The following MUC12 variants were observed in gnomAD, a reference collection of about 807,000 sequenced individuals.
MUC12 encodes the protein mucin 12, cell surface associated.
A neutral mutation model predicts 230.8 loss-of-function variants in MUC12; 172 were observed. The observed-to-expected ratio is 0.75, with a 90% CI of 0.66 to 0.85. The LOEUF is 0.85. Ranked by LOEUF, MUC12 falls within the 40% of genes least tolerant of loss-of-function variation. The probability of loss-of-function intolerance (pLI) is 0.00; values close to 1 mark genes in which losing one functional copy is unlikely to be tolerated. For missense variants in MUC12, 3,506 were observed against 5,920.6 expected, an observed-to-expected ratio of 0.59 and a Z score of 13.38; for synonymous variants, 1,259 against 2,401.9, an observed-to-expected ratio of 0.52 and a Z score of 13.91.
chr7:100,995,859 G>T lies in MUC12; in HGVS notation c.5296G>T (p.Val1766Phe), dbSNP rs1200662100. The T allele has an allele frequency of 2.0e-5, 29 of 1,443,662 alleles. No individual in the cohort carries two copies. The highest frequency in any genetic ancestry group is 4.2e-5 in the Admixed American group (2 of 47,786). The allele number at this position is 1,443,662 out of a possible 1,614,324, so 89.4% of individuals were successfully genotyped here. ...SPARSTTSGLVEESTAYHSSP... is the reference protein window; with the variant it reads ...SPARSTTSGLFEESTAYHSSP... The stretch of plus-strand genomic sequence containing the variant: ...TGCCCGCTCCACAACCTCAGGCCTC[G>T]TTGAAGAATCTACGGCGTACCACAG... The change falls in exon 2 of 12, where the codon GTT becomes TTT. Residue 1766 changes from valine to phenylalanine, a missense_variant. Transcript: ENST00000536621.
At position 100,990,879 on chromosome 7, in the gene MUC12, G is replaced by A; in HGVS notation, c.316G>A (p.Val106Ile). 4 of 1,537,786 alleles carry A rather than the reference G, an allele frequency of 2.6e-6. No individual in the cohort carries two copies. In the Middle Eastern group the frequency reaches 5.0e-4, roughly 192 times the overall value. Residue 106 changes from valine to isoleucine, a missense_variant, in exon 2 of 12, where the codon GTT (valine) becomes ATT (isoleucine). Val to Ile is a conservative substitution (Grantham distance 29). Coordinates refer to ENST00000536621, the MANE Select transcript of MUC12 (RefSeq NM_001164462.2). Reference protein sequence around the residue: ...FPSHSATSVFVGEPKTSPITS... With the variant: ...FPSHSATSVFIGEPKTSPITS... ...TTCCCACTCTGCAACCTCAGTTTTTGTTGGAGAACCTAAAACCTCACCCAT... is the reference window on the plus strand; with the variant it reads ...TTCCCACTCTGCAACCTCAGTTTTTATTGGAGAACCTAAAACCTCACCCAT...
At position 100,987,096 on chromosome 7, in the gene MUC12, T is replaced by G. The variant is rs1399211703; in HGVS notation, c.68-3535T>G. ...TTTTTTTTTTTTTTGAGACAGAGTCTCGCTCTGTCACCCAGGCTGGAGTGC... is the reference window on the plus strand; with the variant it reads ...TTTTTTTTTTTTTTGAGACAGAGTCGCGCTCTGTCACCCAGGCTGGAGTGC... On this transcript the variant is annotated intron_variant, in intron 1 of 11. Coordinates refer to ENST00000536621, the MANE Select transcript of MUC12 (RefSeq NM_001164462.2). Among the ~76,000 whole-genome samples, 13 of 126,900 alleles carry G rather than the reference T, an allele frequency of 1.0e-4. No individual in the cohort carries two copies. The Admixed American group carries it at 1.2e-3, about 12-fold the overall frequency. The allele number at this position is 126,900 out of a possible 152,430, so 83.3% of individuals were successfully genotyped here.
At chr7:100,973,363 G>T (rs1479838130) in intron 1 of MUC12, among the ~76,000 whole-genome samples, 3 of 137,512 alleles carry the variant, frequency 2.2e-5, no homozygotes, top group Non-Finnish European at 4.8e-5. Context: ...GTGGAGTTTG[G>T]GGTGATGGTG....
intron 1 of MUC12, among the ~76,000 whole-genome samples, chr7:100,982,191 A>G (rs1312897590): frequency 2.0e-5 from 3 of 151,974 alleles, no homozygotes; most frequent in African/African-American, 7.2e-5. Context: ...TCTAAGGCAC[A>G]GTTGGGATCA....
At position 100,991,337 on chromosome 7, in the gene MUC12, GC is replaced by G; in HGVS notation, c.776del (p.Pro259HisfsTer149). 1 of 1,537,380 alleles carries G rather than the reference GC, an allele frequency of 6.5e-7. No individual in the cohort carries two copies. Among genetic ancestry groups the G allele is most frequent in the Non-Finnish European group, 8.7e-7 (1 of 1,146,956 alleles). Reference protein sequence around the residue: ...STPVHSSTGSPHTTLSPSSST... With the variant: ...STPVHSSTGSXHTTLSPSSST... ...CGCCCGTCCACAGCAGCACTGGATC[GC>G]CACACACAACACTGTCCCCTTCCAG... On this transcript the variant is annotated frameshift_variant, in exon 2 of 12. Transcript: ENST00000536621. LOFTEE classifies it high-confidence loss of function.
chr7:100,976,602 TA>T (rs35732333), intron 1 of MUC12, among the ~76,000 whole-genome samples: 102,011 of 148,688 alleles, frequency 0.69, 34,835 homozygotes, highest in East Asian at 0.78. Flanking sequence ...AGACTCTTTA[TA>T]AAAAAAAAAA....
chr7:100,990,507 T>G, intron 1 of MUC12, 124 bp from the exon 2 acceptor site: 92 of 1,200,480 alleles, frequency 7.7e-5, no homozygotes, highest in Non-Finnish European at 9.4e-5. Context: ...AAGGGAAACT[T>G]GAGTTTCAAT....
intron 1 of MUC12, among the ~76,000 whole-genome samples, chr7:100,970,863 G>A (rs1424642776): frequency 6.6e-6 from 1 of 152,118 alleles, no homozygotes; most frequent in Non-Finnish European, 1.5e-5. Flanking sequence ...CGGGCGAGGT[G>A]GCGGGCACCT....
chr7:100,990,618 T>C lies in MUC12; in HGVS notation c.68-13T>C. On this transcript the variant is annotated splice_polypyrimidine_tract_variant and intron_variant, in intron 1 of 11. Transcript: ENST00000536621. ...AAATCATAGCACTTTCTCTGGTTTC[T>C]CTCAAATCACAGGCTCAACAGTAAA... 7.2e-6 allele frequency: 11 copies of C among 1,537,308 alleles called. No individual in the cohort carries two copies. Among genetic ancestry groups the C allele is most frequent in the Admixed American group, 2.0e-5 (1 of 50,996 alleles).
chr7:101,007,826 C>G (rs1381203536), intron 3 of MUC12, among the ~76,000 whole-genome samples: 2 of 152,128 alleles, frequency 1.3e-5, no homozygotes, highest in African/African-American at 4.8e-5. Flanking sequence ...GAGATGGAGT[C>G]TTGCTCTGTT....
chr7:101,004,917 C>A lies in MUC12; in HGVS notation c.14354C>A (p.Thr4785Asn), dbSNP rs777793521. ...STHTTAFPAS[T>N]TTSGLSQEST... is the part of the protein sequence containing the mutation. ...CACACAACAGCGTTCCCTGCCAGCA[C>A]CACCACCTCAGGCCTCAGTCAGGAA... Residue 4785 changes from threonine (T) to asparagine (N), a missense_variant, in exon 2 of 12, where the codon ACC becomes AAC. By Grantham distance (65) the Thr-to-Asn change is moderately conservative. Coordinates refer to ENST00000536621, the MANE Select transcript of MUC12 (RefSeq NM_001164462.2). 2.4e-5 allele frequency: 37 copies of A among 1,537,796 alleles called. No homozygotes were observed. The Admixed American group carries it at 3.5e-4, about 15-fold the overall frequency.
Position 100,993,867 on chromosome 7 carries a change from A to T in MUC12, c.3304A>T (p.Thr1102Ser). 6.7e-7 allele frequency: 1 copy of T among 1,491,154 alleles called. No individual in the cohort carries two copies. Among genetic ancestry groups the T allele is most frequent in the Non-Finnish European group, 8.9e-7 (1 of 1,124,992 alleles). The allele number at this position is 1,491,154 out of a possible 1,614,324, so 92.4% of individuals were successfully genotyped here. ...AACACCAGGCCTCAGTGAGGCATCT[A>T]CCACCTTCTACAGCAGCCCCAGATC... ...TTTPGLSEAS[T>S]TFYSSPRSPT... Residue 1102 changes from threonine (T) to serine (S), a missense_variant, in exon 2 of 12, where the codon ACC becomes TCC. Thr to Ser is a moderately conservative substitution (Grantham distance 58, BLOSUM62 1). Transcript: ENST00000536621.
At position 101,005,390 on chromosome 7, in the gene MUC12, A is replaced by G. The variant is rs199720005; in HGVS notation, c.14827A>G (p.Thr4943Ala). 6 of 1,537,192 alleles carry G rather than the reference A, an allele frequency of 3.9e-6. No homozygotes were observed. The Admixed American group carries it at 1.2e-4, about 30-fold the overall frequency. Residue 4943 changes from threonine (T) to alanine (A), a missense_variant, in exon 2 of 12, where the codon ACT becomes GCT. Coordinates refer to ENST00000536621, the MANE Select transcript of MUC12 (RefSeq NM_001164462.2). ...AACTTTCTACATCAGCCCATCCCCT[A>G]CTTACACAACACTCTTTCCTGCGAG... is the stretch of plus-strand genomic sequence containing the variant. ...PTTFYISPSP[T>A]YTTLFPASSS...
At chr7:101,005,635 G>A (rs1793735087) in intron 2 of MUC12, 116 bp downstream of exon 2, 12 of 1,287,258 alleles carry the variant, frequency 9.3e-6, no homozygotes, top group Non-Finnish European at 2.1e-6. Context: ...CTTTACTTGG[G>A]TCTACCGATT....
At position 101,014,201 on chromosome 7, in the gene MUC12, T is replaced by C. The variant is rs61523646; in HGVS notation, c.15800+127T>C. ...ATCAGAGAGGTCAGCTGAGGCCAGA[T>C]GGGGTGCCCAGACCCTCCCAGCCCT... is the stretch of plus-strand genomic sequence containing the variant. On this transcript the variant is annotated intron_variant, in intron 9 of 11. Transcript: ENST00000536621. 1.4e-3 allele frequency: 1,657 copies of C among 1,174,590 alleles called. 21 individuals are homozygous for C. The African/African-American group carries it at 0.023, about 16-fold the overall frequency. The allele number at this position is 1,174,590 out of a possible 1,614,324, so 72.8% of individuals were successfully genotyped here.
intron 11 of MUC12, 111 bp downstream of exon 11, chr7:101,017,774 A>ACTCCCTTCTCCCCCTGGGC (rs1793958979): frequency 9.3e-6 from 5 of 537,054 alleles, no homozygotes; most frequent in South Asian, 2.9e-5. Context: ...TCCCCCTGGG[A>ACTCCCTTCTCCCCCTGGGC]CTCCCTCCCT....
At position 100,995,701 on chromosome 7, in the gene MUC12, C is replaced by G. The variant is rs1378941861; in HGVS notation, c.5138C>G (p.Ser1713Cys). The change falls in exon 2 of 12, where the codon TCT (serine) becomes TGT (cysteine). Residue 1713 changes from serine (S) to cysteine (C), a missense_variant. Ser to Cys is a moderately radical substitution (Grantham distance 112). Coordinates refer to ENST00000536621, the MANE Select transcript of MUC12 (RefSeq NM_001164462.2). ...PTTTSAFVEL[S>C]TTSHGSPSST... ...ACCACATCAGCCTTTGTTGAGCTAT[C>G]TACAACCTCCCACGGCAGCCCGAGC... 4 of 1,537,038 alleles carry G rather than the reference C, an allele frequency of 2.6e-6. No homozygotes were observed. The highest frequency in any genetic ancestry group is 2.8e-5 in the African/African-American group (2 of 72,442).
chr7:101,012,902 C>T lies in MUC12; in HGVS notation c.15475+12C>T, dbSNP rs368798167. 110 of 1,537,132 alleles carry T rather than the reference C, an allele frequency of 7.2e-5. No homozygotes were observed. Among genetic ancestry groups the T allele is most frequent in the South Asian group, 3.9e-4 (33 of 84,070 alleles). ...CTTTGACTTCCAGGGTAAGCGACTA[C>T]GTGGAGCGTGGGCACTAAGAGTGGG... is the stretch of plus-strand genomic sequence containing the variant. On this transcript the variant is annotated intron_variant, in intron 7 of 11. Coordinates refer to ENST00000536621, the MANE Select transcript of MUC12 (RefSeq NM_001164462.2).
intron 1 of MUC12, among the ~76,000 whole-genome samples, chr7:100,988,905 G>C (rs1793235459): frequency 6.6e-6 from 1 of 152,058 alleles, no homozygotes; most frequent in African/African-American, 2.4e-5. Flanking sequence ...AGTCTCACGA[G>C]ATCTGATGGT....
Sources: gnomAD v4.1 joint callset for allele counts (sites outside exome capture counted in the v4.1 genomes callset) on GRCh38, gnomAD v4.1.1 for gene constraint, MANE v1.5 for transcripts, NCBI Gene and HGNC (gene_info 2026-07-23, HGNC 2026-07-21) for gene names.